ALK: variants seen among roughly 807,000 people sequenced by gnomAD.
ALK encodes ALK receptor tyrosine kinase.
Under a neutral mutation model 163.1 loss-of-function variants are expected in ALK, and 74 were observed. The ratio of observed to expected loss-of-function variants is 0.45; its 90% CI spans 0.38 to 0.55. The LOEUF is 0.55. Ranked by LOEUF, ALK falls within the 20% of genes least tolerant of loss-of-function variation. The probability of loss-of-function intolerance (pLI) is 0.00; values close to 1 mark genes in which losing one functional copy is unlikely to be tolerated. For synonymous variants in ALK, 960 were observed against 843.2 expected, an observed-to-expected ratio of 1.14 and a Z score of -2.40; for missense variants, 2,063 against 2,105.3, an observed-to-expected ratio of 0.98 and a Z score of 0.39.
At chr2:29,790,781 A>G (rs1310652491) in intron 1 of ALK, among the ~76,000 whole-genome samples, 1 of 152,120 alleles carries the variant, frequency 6.6e-6, no homozygotes, top group Admixed American at 6.5e-5. Context: ...ATGAGGTTTC[A>G]CCATGTTGGC....
intron 3 of ALK, among the ~76,000 whole-genome samples, chr2:29,639,312 C>T (rs1449828467): frequency 6.6e-6 from 1 of 152,150 alleles, no homozygotes; most frequent in East Asian, 1.9e-4. Context: ...CTTCTAGAAA[C>T]CCTGCTGTGT....
At chr2:29,691,321 A>G (rs1229778887) in intron 3 of ALK, among the ~76,000 whole-genome samples, 1 of 152,192 alleles carries the variant, frequency 6.6e-6, no homozygotes, top group African/African-American at 2.4e-5. Flanking sequence ...CAGACAAATT[A>G]GCAGAAGTTT....
intron 1 of ALK, among the ~76,000 whole-genome samples, chr2:29,787,282 T>C: frequency 6.6e-6 from 1 of 152,228 alleles, no homozygotes; most frequent in Non-Finnish European, 1.5e-5. Flanking sequence ...GTACTTACTA[T>C]GTCCGAGACA....
At chr2:29,786,313 T>C (rs13399115) in intron 1 of ALK, among the ~76,000 whole-genome samples, 12,759 of 152,212 alleles carry the variant, frequency 0.084, 996 homozygotes, top group African/African-American at 0.2. Context: ...TCAGCCAACA[T>C]GAGTGGCACT....
chr2:29,741,700 A>G (rs1454009871), intron 1 of ALK, among the ~76,000 whole-genome samples: 1 of 152,168 alleles, frequency 6.6e-6, no homozygotes, highest in Non-Finnish European at 1.5e-5. Context: ...TCTTAGAAGT[A>G]GAGAATCATT....
intron 3 of ALK, among the ~76,000 whole-genome samples, chr2:29,538,082 T>A (rs184110074): frequency 2.0e-5 from 3 of 152,238 alleles, no homozygotes; most frequent in Non-Finnish European, 4.4e-5. Flanking sequence ...ACATGAGGCT[T>A]TGGACTGTGG....
chr2:29,260,954 C>G (rs1482507083), intron 11 of ALK, among the ~76,000 whole-genome samples: 3 of 152,108 alleles, frequency 2.0e-5, no homozygotes, highest in Non-Finnish European at 2.9e-5. Flanking sequence ...TCTCTATTAT[C>G]CCTTTCCTAC....
chr2:29,409,989 C>A (rs1669688898), intron 4 of ALK, among the ~76,000 whole-genome samples: 2 of 152,164 alleles, frequency 1.3e-5, no homozygotes, highest in South Asian at 4.1e-4. Flanking sequence ...TTATCTTAAT[C>A]ATATACATCA....
intron 3 of ALK, among the ~76,000 whole-genome samples, chr2:29,572,559 G>A (rs1393053732): frequency 6.6e-6 from 1 of 152,088 alleles, no homozygotes; most frequent in Admixed American, 6.5e-5. Flanking sequence ...CCCCTTTGTG[G>A]CGCCTATCTG....
chr2:29,338,728 G>T (rs993979109), intron 5 of ALK, among the ~76,000 whole-genome samples: 1 of 152,232 alleles, frequency 6.6e-6, no homozygotes, highest in South Asian at 2.1e-4. Flanking sequence ...CTCCTCAAGA[G>T]TGCCTGTCAC....
At chr2:29,426,029 G>T (rs1670126603) in intron 4 of ALK, among the ~76,000 whole-genome samples, 1 of 152,148 alleles carries the variant, frequency 6.6e-6, no homozygotes, top group Non-Finnish European at 1.5e-5. Flanking sequence ...TCAGACTGTG[G>T]CGCAACATTT....
chr2:29,378,863 A>C (rs1177226903), intron 5 of ALK, among the ~76,000 whole-genome samples: 1 of 152,050 alleles, frequency 6.6e-6, no homozygotes, highest in Non-Finnish European at 1.5e-5. Flanking sequence ...GGTGCATGCC[A>C]CCATGCCTGG....
intron 4 of ALK, among the ~76,000 whole-genome samples, chr2:29,525,515 G>A (rs1247942359): frequency 6.6e-6 from 1 of 152,018 alleles, no homozygotes; most frequent in Non-Finnish European, 1.5e-5. Context: ...ACTCGGGCCG[G>A]GTGCGGTGGC....
At chr2:29,704,998 A>C (rs1203629093) in intron 2 of ALK, among the ~76,000 whole-genome samples, 1 of 151,780 alleles carries the variant, frequency 6.6e-6, no homozygotes, top group Non-Finnish European at 1.5e-5. Context: ...CGGATGGATC[A>C]CTTGAGGTCA....
chr2:29,302,022 C>G (rs1666387293), intron 8 of ALK, among the ~76,000 whole-genome samples: 1 of 152,194 alleles, frequency 6.6e-6, no homozygotes, highest in Non-Finnish European at 1.5e-5. Flanking sequence ...GCTTATCATC[C>G]AGCCAGGAAG....
chr2:29,601,510 C>T (rs982081742), intron 3 of ALK, among the ~76,000 whole-genome samples: 1 of 151,820 alleles, frequency 6.6e-6, no homozygotes, highest in Non-Finnish European at 1.5e-5. Context: ...CACACTGTGG[C>T]CTGGATACTA....
In ALK at chr2:29,275,188, T is replaced by G. The variant is rs781241903; in HGVS notation, c.1952A>C (p.Lys651Thr). The change falls in exon 11 of 29, where the codon AAA (lysine) becomes ACA (threonine). Residue 651 changes from lysine (K) to threonine (T), a missense_variant. Coordinates refer to ENST00000389048, the MANE Select transcript of ALK (RefSeq NM_004304.5). ...GTTTCTCTCAAACAGGTTTCTTGAT[T>G]TGGGTGCTGTATTCTGCAGGATCTT... ...EDKILQNTAP[K>T]SRNLFERNPN... 1.5e-5 allele frequency: 25 copies of G among 1,614,156 alleles called. No individual in the cohort carries two copies. In the South Asian group the frequency reaches 2.6e-4, roughly 17 times the overall value.
chr2:29,556,633 A>G (rs986438371), intron 3 of ALK, among the ~76,000 whole-genome samples: 1 of 152,210 alleles, frequency 6.6e-6, no homozygotes, highest in Non-Finnish European at 1.5e-5. Flanking sequence ...AGAAGCTATT[A>G]TCAAGAAGCC....
chr2:29,802,811 G>A (rs1395338047), intron 1 of ALK, among the ~76,000 whole-genome samples: 1 of 143,718 alleles, frequency 7.0e-6, no homozygotes, highest in Non-Finnish European at 1.5e-5. Context: ...GTTATCAGTT[G>A]TGGTTTATAA....
Sources: gnomAD v4.1 joint callset for allele counts (sites outside exome capture counted in the v4.1 genomes callset) on GRCh38, gnomAD v4.1.1 for gene constraint, MANE v1.5 for transcripts, NCBI Gene and HGNC (gene_info 2026-07-23, HGNC 2026-07-21) for gene names.